The following MYO9B variants were observed in gnomAD, a reference collection of about 807,000 sequenced individuals.
The protein encoded by MYO9B is unconventional myosin-IXb.
Under a neutral mutation model 229.5 loss-of-function variants are expected in MYO9B, and 71 were observed. The ratio of observed to expected loss-of-function variants is 0.31; its 90% CI spans 0.26 to 0.38. The LOEUF is 0.38. MYO9B is among the 10% of genes least tolerant of loss of function. The pLI is 1.00. For synonymous variants in MYO9B, 1,185 were observed against 1,235.8 expected (o/e 0.96, Z 0.86); for missense variants, 2,255 against 2,920.5 (o/e 0.77, Z 5.25).
At position 17,167,509 on chromosome 19, in the gene MYO9B, C is replaced by G. The variant is rs1175852042; in HGVS notation, c.1672-434C>G. On this transcript the variant is annotated intron_variant, in intron 10 of 39. Coordinates refer to ENST00000682292, the MANE Select transcript of MYO9B (RefSeq NM_004145.4). ...TTTTTTTTTGTGACGGAGTTTCGCT[C>G]TTGTTGCCCAGGCTGGAGTAGGACT... is the stretch of plus-strand genomic sequence containing the variant. Among the ~76,000 whole-genome samples the G allele has an allele frequency of 2.3e-5, 3 of 130,344 alleles. No individual in the cohort carries two copies. In the East Asian group the frequency reaches 6.7e-4, roughly 29 times the overall value. 85.5% of individuals were successfully genotyped at this position (130,344 alleles called of 152,430 possible).
intron 30 of MYO9B, among the ~76,000 whole-genome samples, chr19:17,204,596 C>G (rs2073140206): frequency 6.6e-6 from 1 of 151,894 alleles, no homozygotes; most frequent in African/African-American, 2.4e-5. Context: ...GTAATCCCAG[C>G]ACTTTGGGAG....
At chr19:17,148,378 C>T (rs998220514) in intron 3 of MYO9B, among the ~76,000 whole-genome samples, 3 of 152,096 alleles carry the variant, frequency 2.0e-5, no homozygotes, top group Non-Finnish European at 2.9e-5. Flanking sequence ...TACGACAAAC[C>T]GTATGGCTGA....
chr19:17,191,385 G>A (rs1328712266), intron 20 of MYO9B, among the ~76,000 whole-genome samples, 166 bp downstream of exon 20: 1 of 152,116 alleles, frequency 6.6e-6, no homozygotes, highest in Non-Finnish European at 1.5e-5. Flanking sequence ...GATAGGGGCC[G>A]CCCTGGCTGA....
intron 2 of MYO9B, among the ~76,000 whole-genome samples, chr19:17,117,773 A>G (rs1309632795): frequency 1.3e-5 from 2 of 151,890 alleles, no homozygotes; most frequent in Non-Finnish European, 2.9e-5. Context: ...CCCCATCTCT[A>G]CTAAAAATAC....
chr19:17,083,865 G>A (rs774934580), intron 1 of MYO9B, among the ~76,000 whole-genome samples: 7 of 151,796 alleles, frequency 4.6e-5, no homozygotes, highest in Non-Finnish European at 8.8e-5. Context: ...TGGCCAGGCT[G>A]GTCTTGAATT....
At chr19:17,106,557 G>A (rs2057794881) in intron 2 of MYO9B, among the ~76,000 whole-genome samples, 1 of 152,238 alleles carries the variant, frequency 6.6e-6, no homozygotes, top group Non-Finnish European at 1.5e-5. Flanking sequence ...CTCCCAGCAG[G>A]TGGCCAGGGG....
At chr19:17,170,302 G>T (rs1371443587) in intron 11 of MYO9B, among the ~76,000 whole-genome samples, 1 of 151,998 alleles carries the variant, frequency 6.6e-6, no homozygotes, top group African/African-American at 2.4e-5. Flanking sequence ...TCCAAATAAG[G>T]TCACATTCAA....
intron 1 of MYO9B, among the ~76,000 whole-genome samples, chr19:17,100,123 CA>C (rs35572346): frequency 8.8e-4 from 114 of 129,906 alleles, no homozygotes; most frequent in Admixed American, 9.4e-4. Context: ...AACTCCATCT[CA>C]AAAAAAAAAA....
rs1178963821 is a variant in MYO9B, at chr19:17,101,764, C to T, written c.47C>T (p.Ala16Val). 6.3e-6 allele frequency: 10 copies of T among 1,598,076 alleles called. No individual in the cohort carries two copies. Among genetic ancestry groups the T allele is most frequent in the Non-Finnish European group, 7.6e-6 (9 of 1,176,948 alleles). Reference protein sequence around the residue: ...AGSSGRREQAAYHLHIYPQLS... With the variant: ...AGSSGRREQAVYHLHIYPQLS... Reference sequence around the variant, plus strand: ...AGCTCGGGCCGCCGGGAGCAGGCGGCCTACCACCTGCACATCTACCCCCAG... The same window carrying T: ...AGCTCGGGCCGCCGGGAGCAGGCGGTCTACCACCTGCACATCTACCCCCAG... The change falls in exon 2 of 40, where the codon GCC becomes GTC. Residue 16 changes from alanine (A) to valine (V), a missense_variant. Transcript: ENST00000682292. The surrounding 1 kb of genome is among the most constrained non-coding windows in gnomAD (Gnocchi z 4.7).
chr19:17,185,084 T>C (rs1363361987), intron 17 of MYO9B, 97 bp downstream of exon 17: 2 of 1,570,816 alleles, frequency 1.3e-6, no homozygotes, highest in East Asian at 4.6e-5. Flanking sequence ...CTAGTAAAAA[T>C]ACAAAAATTG....
intron 22 of MYO9B, among the ~76,000 whole-genome samples, chr19:17,197,208 C>T (rs985938715): frequency 1.3e-5 from 2 of 148,530 alleles, no homozygotes; most frequent in Non-Finnish European, 3.0e-5. Context: ...ACCTGGGAGG[C>T]AGAGGTTGCA....
intron 36 of MYO9B, 137 bp from the exon 37 acceptor site, chr19:17,210,196 G>A (rs1485152572): frequency 1.2e-6 from 1 of 817,300 alleles, no homozygotes; most frequent in Non-Finnish European, 1.9e-6. Context: ...GCAGGGGTGT[G>A]TTAGTGGGGA....
chr19:17,205,150 CAAAAAAA>C lies in MYO9B; in HGVS notation c.4991-103_4991-97del, dbSNP rs759938283. The C allele has an allele frequency of 5.0e-4, 254 of 503,120 alleles. 2 individuals carry two copies. The highest frequency in any genetic ancestry group is 9.1e-5 in the Non-Finnish European group (29 of 316,956). 31.2% of individuals were successfully genotyped at this position (503,120 alleles called of 1,614,324 possible). A position where few individuals can be genotyped will look rare whatever the true frequency, so the allele number is the denominator to read the frequency against. ...TGAGAACAAGAGTGAGACTCCATCT[CAAAAAAA>C]AAAAAAAAAGAAGGCAATTGGCGGC... is the stretch of plus-strand genomic sequence containing the variant. On this transcript the variant is annotated intron_variant, in intron 30 of 39. Coordinates refer to ENST00000682292, the MANE Select transcript of MYO9B (RefSeq NM_004145.4).
rs777317964 is a variant in MYO9B at position 17,195,244 on chromosome 19, G to A, written c.3817G>A (p.Glu1273Lys). Residue 1273 changes from glutamate (E) to lysine (K), a missense_variant, in exon 22 of 40, where the codon GAG becomes AAG. Transcript: ENST00000682292. The surrounding 1 kb of genome is among the most constrained non-coding windows in gnomAD (Gnocchi z 4.5). Reference protein sequence around the residue: ...PAPGSAPETPEDKSKPCGSPR... With the variant: ...PAPGSAPETPKDKSKPCGSPR... ...CCCTGGCAGCGCCCCCGAGACCCCC[G>A]AGGACAAGAGCAAACCATGTGGCAG... 34 of 1,612,026 alleles carry A rather than the reference G, an allele frequency of 2.1e-5. 1 individual carries two copies. Among genetic ancestry groups the A allele is most frequent in the South Asian group, 8.8e-5 (8 of 91,066 alleles).
At chr19:17,190,344 C>T (rs2072969059) in intron 19 of MYO9B, among the ~76,000 whole-genome samples, 1 of 151,808 alleles carries the variant, frequency 6.6e-6, no homozygotes, top group Non-Finnish European at 1.5e-5. Context: ...CAGGCGCCTG[C>T]CACCATTCCT....
chr19:17,142,180 G>A (rs907160838), intron 2 of MYO9B, among the ~76,000 whole-genome samples: 3 of 131,214 alleles, frequency 2.3e-5, no homozygotes, highest in African/African-American at 3.0e-5. Flanking sequence ...AAAAAAAAAA[G>A]AAAGAAAAAA....
intron 1 of MYO9B, among the ~76,000 whole-genome samples, chr19:17,086,824 G>A (rs574217240): frequency 9.2e-5 from 14 of 151,658 alleles, no homozygotes; most frequent in East Asian, 1.9e-4. Context: ...AGGTAACAGC[G>A]AGCTGAGATA....
At chr19:17,196,064 A>G (rs1388576783) in intron 22 of MYO9B, among the ~76,000 whole-genome samples, 1 of 148,660 alleles carries the variant, frequency 6.7e-6, no homozygotes, top group African/African-American at 2.5e-5. Context: ...CCTGGCCTCC[A>G]CTTACCACAT....
Position 17,200,368 on chromosome 19 carries a change from G to A in MYO9B, c.4314G>A (p.Glu1438=). ...GCCTGGAGGGCGCAGAGGAGCTGGA[G>A]AATGCAGTGTCCGGGCACGTGGTGC... ...KYSLEGAEEL[E]NAVSGHVVLE... is the part of the protein sequence containing the mutation. The change falls in exon 25 of 40, where the codon GAG becomes GAA. Residue 1438 remains glutamate, a synonymous_variant. Transcript: ENST00000682292. The A allele has an allele frequency of 6.2e-7, 1 of 1,608,460 alleles. No individual in the cohort carries two copies. Among genetic ancestry groups the A allele is most frequent in the Non-Finnish European group, 8.5e-7 (1 of 1,177,146 alleles).
Sources: allele counts gnomAD v4.1 joint callset (sites outside exome capture counted in the v4.1 genomes callset), GRCh38; gene constraint gnomAD v4.1.1; non-coding constraint Gnocchi (gnomAD v3.1); transcripts MANE v1.5; gene names NCBI Gene and HGNC (gene_info 2026-07-23, HGNC 2026-07-21).